Variants in PRIM2 observed in about 807,000 individuals in gnomAD.
PRIM2 encodes the protein DNA primase large subunit.
A neutral mutation model predicts 67.3 loss-of-function variants in PRIM2; 39 were observed. The observed-to-expected ratio is 0.58, with a 90% CI of 0.45 to 0.76. PRIM2 has a LOEUF of 0.76. Among genes scored for constraint, PRIM2 ranks in the 30% least tolerant of loss-of-function variants. The probability of loss-of-function intolerance (pLI) is 0.00; values close to 1 mark genes in which losing one functional copy is unlikely to be tolerated. For missense variants in PRIM2, 398 were observed against 598.7 expected (o/e 0.66, Z 3.50); for synonymous variants, 143 against 198.7 (o/e 0.72, Z 2.36).
At chr6:57,306,541 A>G in the PRIM2 span, among the ~76,000 whole-genome samples, 1 of 152,176 alleles carries the variant, frequency 6.6e-6, no homozygotes, top group Non-Finnish European at 1.5e-5. Flanking sequence ...AAGGAAGAGG[A>G]ACTGTATTGT....
chr6:57,486,860 TG>T (rs1773765040), intron 7 of PRIM2, among the ~76,000 whole-genome samples: 1 of 152,236 alleles, frequency 6.6e-6, no homozygotes, highest in Non-Finnish European at 1.5e-5. Flanking sequence ...TTTCTGTGGT[TG>T]GTTATTTATA....
At chr6:57,332,299 C>T (rs1768079141) in intron 5 of PRIM2, among the ~76,000 whole-genome samples, 1 of 152,014 alleles carries the variant, frequency 6.6e-6, no homozygotes, top group African/African-American at 2.4e-5. Context: ...ATGGTCTGTT[C>T]TGGAGGATGT....
chr6:57,424,535 G>A (rs1045243397), intron 7 of PRIM2, among the ~76,000 whole-genome samples: 3 of 152,122 alleles, frequency 2.0e-5, no homozygotes, highest in Non-Finnish European at 2.9e-5. Context: ...GGTAAACAGC[G>A]TATCAAGAAT....
chr6:57,339,858 G>C (rs1768406873), intron 5 of PRIM2, among the ~76,000 whole-genome samples: 1 of 151,832 alleles, frequency 6.6e-6, no homozygotes, highest in Admixed American at 6.6e-5. Flanking sequence ...TGACAAATGG[G>C]ATCTAATTAA....
At chr6:57,394,411 T>G (rs1770453701) in intron 7 of PRIM2, among the ~76,000 whole-genome samples, 2 of 152,046 alleles carry the variant, frequency 1.3e-5, no homozygotes, top group East Asian at 3.9e-4. Context: ...GTATTTTATT[T>G]TATTTTTTTG....
chr6:57,344,142 T>C (rs555963729), intron 5 of PRIM2, among the ~76,000 whole-genome samples: 38 of 151,658 alleles, frequency 2.5e-4, no homozygotes, highest in Non-Finnish European at 4.0e-4. Context: ...AACTTCTGAA[T>C]AGAGAAATAA....
intron 7 of PRIM2, among the ~76,000 whole-genome samples, chr6:57,502,098 T>TC (rs1774144498): frequency 6.6e-6 from 1 of 152,140 alleles, no homozygotes; most frequent in Admixed American, 6.5e-5. Flanking sequence ...ACTCTTTTGG[T>TC]AGTGACTGTT....
intron 10 of PRIM2, among the ~76,000 whole-genome samples, chr6:57,552,023 A>G (rs1249383157): frequency 6.6e-5 from 10 of 152,242 alleles, no homozygotes; most frequent in Admixed American, 2.6e-4. Flanking sequence ...CAGAATTAAC[A>G]GACACTGGAT....
chr6:57,434,110 G>A (rs1425045059), intron 7 of PRIM2, among the ~76,000 whole-genome samples: 6 of 151,962 alleles, frequency 3.9e-5, no homozygotes, highest in Admixed American at 3.9e-4. Flanking sequence ...TTTTAGTAGA[G>A]ACGGGGTTTC....
At chr6:57,579,295 T>C (rs1214083417) in intron 10 of PRIM2, among the ~76,000 whole-genome samples, 50 of 152,298 alleles carry the variant, frequency 3.3e-4, no homozygotes, top group African/African-American at 1.1e-3. Context: ...AGGAGGCTTA[T>C]AGATCCATGT....
chr6:57,235,649 C>A, the PRIM2 span, among the ~76,000 whole-genome samples: 1 of 152,106 alleles, frequency 6.6e-6, no homozygotes, highest in Non-Finnish European at 1.5e-5. Context: ...TATGTATGTA[C>A]CTTGCATGGC....
At chr6:57,611,506 G>A (rs1164453575) in intron 12 of PRIM2, among the ~76,000 whole-genome samples, 1 of 152,096 alleles carries the variant, frequency 6.6e-6, no homozygotes, top group African/African-American at 2.4e-5. Context: ...AGGTGCCAGG[G>A]CAATTTAATA....
chr6:57,318,648 A>C (rs1470366733), intron 2 of PRIM2, 49 bp downstream of exon 2: 3 of 1,410,916 alleles, frequency 2.1e-6, no homozygotes, highest in Non-Finnish European at 1.9e-6. Flanking sequence ...AAGCTCACTT[A>C]CCCTTTGTGA....
chr6:57,340,575 A>C (rs1768442559), intron 5 of PRIM2, among the ~76,000 whole-genome samples: 1 of 152,180 alleles, frequency 6.6e-6, no homozygotes, highest in Non-Finnish European at 1.5e-5. Flanking sequence ...ATGAAATTGG[A>C]AATCATCATT....
chr6:57,363,797 CTT>C (rs1036694545), intron 5 of PRIM2, among the ~76,000 whole-genome samples: 4 of 152,114 alleles, frequency 2.6e-5, no homozygotes, highest in Non-Finnish European at 5.9e-5. Context: ...AGATTGGTGT[CTT>C]ATATTAATTC....
chr6:57,468,523 C>T (rs1468229612), intron 7 of PRIM2, among the ~76,000 whole-genome samples: 96 of 152,180 alleles, frequency 6.3e-4, no homozygotes, highest in African/African-American at 2.2e-3. Context: ...CTGCTGGATT[C>T]GGTTTGCCAG....
intron 7 of PRIM2, among the ~76,000 whole-genome samples, chr6:57,500,018 T>TAAA (rs1554346709): frequency 1.3e-5 from 2 of 151,708 alleles, no homozygotes; most frequent in African/African-American, 4.9e-5. Context: ...AAATGAAACT[T>TAAA]ACAATTTTCC....
intron 10 of PRIM2, among the ~76,000 whole-genome samples, chr6:57,569,621 A>C (rs1168856206): frequency 6.6e-6 from 1 of 152,206 alleles, no homozygotes; most frequent in African/African-American, 2.4e-5. Context: ...TTTTGAAAAT[A>C]GAATTTGAAC....
At chr6:57,240,091 GTTTTTTTT>G in the PRIM2 span, among the ~76,000 whole-genome samples, 6 of 90,014 alleles carry the variant, frequency 6.7e-5, no homozygotes, top group Admixed American at 1.3e-4. Context: ...TCAATAATCT[GTTTTTTTT>G]TTTTTTTTTT....
Sources: gnomAD v4.1 joint callset for allele counts (sites outside exome capture counted in the v4.1 genomes callset) on GRCh38, gnomAD v4.1.1 for gene constraint, MANE v1.5 for transcripts, NCBI Gene and HGNC (gene_info 2026-07-23, HGNC 2026-07-21) for gene names.